WDPCP: variants seen among roughly 807,000 people sequenced by gnomAD.
The protein encoded by WDPCP is WD repeat-containing and planar cell polarity effector protein fritz homolog.
In WDPCP, 71 loss-of-function variants were observed where a neutral mutation model predicts 93.1. That is an observed-to-expected ratio of 0.76 (90% CI 0.63 to 0.93). The LOEUF (loss-of-function observed/expected upper bound fraction) is 0.93. Among genes scored for constraint, WDPCP ranks in the 40% least tolerant of loss-of-function variants. WDPCP has a pLI of 0.00. For missense variants in WDPCP, 844 were observed against 887.4 expected (o/e 0.95, Z 0.62); for synonymous variants, 315 against 315.0 (o/e 1.00, Z 0.00).
chr2:63,227,605 A>T (rs900742082), intron 14 of WDPCP, among the ~76,000 whole-genome samples: 2 of 152,044 alleles, frequency 1.3e-5, no homozygotes, highest in African/African-American at 4.8e-5. Flanking sequence ...AAAGTGATTT[A>T]GAGTATGAGA....
At chr2:63,792,054 G>A (rs374888640) in intron 2 of WDPCP, among the ~76,000 whole-genome samples, 3 of 152,108 alleles carry the variant, frequency 2.0e-5, no homozygotes, top group African/African-American at 4.8e-5. Flanking sequence ...AGCTCTGGAG[G>A]TACAAAGGTG....
At chr2:63,483,742 AATT>A in intron 6 of WDPCP, among the ~76,000 whole-genome samples, 1 of 152,090 alleles carries the variant, frequency 6.6e-6, no homozygotes, top group Non-Finnish European at 1.5e-5. Context: ...CATCAGTTAC[AATT>A]ATTATTAGAA....
At chr2:63,143,923 A>G (rs909069371) in intron 17 of WDPCP, among the ~76,000 whole-genome samples, 3 of 152,164 alleles carry the variant, frequency 2.0e-5, no homozygotes, top group Non-Finnish European at 2.9e-5. Context: ...TGCCTAGGCG[A>G]AGATCTTTTT....
intron 3 of WDPCP, chr2:63,597,300 G>A: frequency 7.9e-7 from 1 of 1,272,968 alleles, no homozygotes. Flanking sequence ...GTAAACACTT[G>A]CAACAAGTGA....
chr2:63,399,575 G>T (rs1693987073), intron 10 of WDPCP, among the ~76,000 whole-genome samples: 1 of 91,268 alleles, frequency 1.1e-5, no homozygotes, highest in Middle Eastern at 6.9e-3. Flanking sequence ...TGAAAGGAGA[G>T]ATTGAGAGAG....
At chr2:63,752,397 C>T in intron 2 of WDPCP, 1 of 764,278 alleles carries the variant, frequency 1.3e-6, no homozygotes, top group Admixed American at 1.7e-5. Context: ...ACAGCTTTCC[C>T]ATCCACCTTG....
At chr2:63,350,092 C>T (rs1192959451) in intron 12 of WDPCP, among the ~76,000 whole-genome samples, 1 of 152,154 alleles carries the variant, frequency 6.6e-6, no homozygotes, top group African/African-American at 2.4e-5. Flanking sequence ...ACATATACAC[C>T]ATGGAATACT....
chr2:63,566,447 T>C (rs1490460657), intron 1 of WDPCP, among the ~76,000 whole-genome samples: 4 of 152,236 alleles, frequency 2.6e-5, no homozygotes, highest in Admixed American at 1.3e-4. Context: ...CTTGTATTGA[T>C]TGATGTCTCA....
At chr2:63,807,261 T>C (rs1575778370) in intron 2 of WDPCP, among the ~76,000 whole-genome samples, 1 of 152,214 alleles carries the variant, frequency 6.6e-6, no homozygotes, top group East Asian at 1.9e-4. Flanking sequence ...TAGAGGAAGG[T>C]GTTGGACCAT....
In WDPCP at chr2:63,700,083, T is replaced by G. The variant is rs574762843; in HGVS notation, n.309-49245A>C. Among the ~76,000 whole-genome samples, 26 of 151,980 alleles carry G rather than the reference T, an allele frequency of 1.7e-4. No homozygotes were observed. The East Asian group carries it at 4.8e-3, about 28-fold the overall frequency. ...GATGGATGTGTTGAGCCCAGGAGTT[T>G]GACACCCGCCTGGGCAACCTGACCA... On this transcript the variant is annotated intron_variant and non_coding_transcript_variant, in intron 2 of 4. Coordinates refer to the WDPCP transcript ENST00000467687.
At chr2:63,315,293 A>T (rs1416636066) in intron 12 of WDPCP, among the ~76,000 whole-genome samples, 1 of 152,214 alleles carries the variant, frequency 6.6e-6, no homozygotes, top group African/African-American at 2.4e-5. Flanking sequence ...AAAGGTGATA[A>T]GCTCAGACTG....
intron 2 of WDPCP, among the ~76,000 whole-genome samples, chr2:63,810,735 A>G (rs1190213310): frequency 1.3e-5 from 2 of 152,230 alleles, no homozygotes; most frequent in African/African-American, 4.8e-5. Context: ...GGAAGCAAGC[A>G]TTAAAGGGCT....
At chr2:63,643,694 C>G (rs545330909) in intron 3 of WDPCP, 12 of 487,224 alleles carry the variant, frequency 2.5e-5, no homozygotes, top group South Asian at 1.8e-4. Context: ...TACTTAGCCT[C>G]CTCAGATGTA....
intron 6 of WDPCP, among the ~76,000 whole-genome samples, chr2:63,457,355 G>A (rs753273498): frequency 4.6e-5 from 7 of 151,490 alleles, no homozygotes; most frequent in Admixed American, 6.6e-5. Context: ...AAAAGCCAAG[G>A]ACCAGGTGGA....
chr2:63,129,660 T>C (rs1291493606), intron 17 of WDPCP, among the ~76,000 whole-genome samples: 3 of 152,218 alleles, frequency 2.0e-5, no homozygotes, highest in Non-Finnish European at 2.9e-5. Flanking sequence ...GTAGTTCTTC[T>C]ATATTCTGGT....
At chr2:63,528,051 C>G (rs1412147924) in intron 1 of WDPCP, among the ~76,000 whole-genome samples, 1 of 151,472 alleles carries the variant, frequency 6.6e-6, no homozygotes, top group South Asian at 2.1e-4. Flanking sequence ...TCCTTCGCCC[C>G]CTTTTTCAGG....
intron 12 of WDPCP, among the ~76,000 whole-genome samples, chr2:63,329,707 T>C (rs1368962875): frequency 6.6e-6 from 1 of 152,150 alleles, no homozygotes; most frequent in African/African-American, 2.4e-5. Context: ...GCTGACTGAA[T>C]TTTTTTGGTA....
intron 10 of WDPCP, among the ~76,000 whole-genome samples, chr2:63,402,747 G>T (rs1694250116): frequency 6.6e-6 from 1 of 152,068 alleles, no homozygotes; most frequent in Non-Finnish European, 1.5e-5. Context: ...GGTCCACAAA[G>T]AATGGCTATT....
At chr2:63,430,115 A>C (rs770787167) in intron 9 of WDPCP, among the ~76,000 whole-genome samples, 3 of 152,160 alleles carry the variant, frequency 2.0e-5, no homozygotes, top group Non-Finnish European at 4.4e-5. Context: ...GAATTAATGC[A>C]GGAACAGAAA....
Sources: gnomAD v4.1 joint callset for allele counts (sites outside exome capture counted in the v4.1 genomes callset) on GRCh38, gnomAD v4.1.1 for gene constraint, MANE v1.5 for transcripts, NCBI Gene and HGNC (gene_info 2026-07-23, HGNC 2026-07-21) for gene names.